Variants in JMJD1C observed in about 807,000 individuals in gnomAD.
JMJD1C encodes the protein jumonji domain containing 1C.
JMJD1C carries 31 observed loss-of-function variants against 245.3 expected under a neutral mutation model. The observed-to-expected ratio is 0.13, with a 90% confidence interval of 0.09 to 0.17. The LOEUF is 0.17. JMJD1C is among the 10% of genes least tolerant of loss of function. The probability of loss-of-function intolerance (pLI) is 1.00; values close to 1 mark genes in which losing one functional copy is unlikely to be tolerated. For synonymous variants in JMJD1C, 1,057 were observed against 1,017.4 expected (o/e 1.04, Z -0.74); for missense variants, 2,691 against 3,000.2 (o/e 0.90, Z 2.41).
In JMJD1C at chr10:63,487,037, A is replaced by G. The variant is rs1487895851; in HGVS notation, n.113+34701T>C. ...AGGTAAGTTCATGGTTGGCATCACA[A>G]AATTGAAGGAGGACAAAGATAATAG... On this transcript the variant is annotated intron_variant and non_coding_transcript_variant, in intron 1 of 3. Transcript: ENST00000633035. 2.6e-5 allele frequency among the ~76,000 whole-genome samples: 4 copies of G among 152,218 alleles called. No homozygotes were observed. In the East Asian group the frequency reaches 7.7e-4, roughly 29 times the overall value.
intron 1 of JMJD1C, among the ~76,000 whole-genome samples, chr10:63,398,257 G>C (rs886602784): frequency 6.6e-6 from 1 of 151,842 alleles, no homozygotes; most frequent in Non-Finnish European, 1.5e-5. Context: ...GCTTCCCCAG[G>C]TCACCCAACC....
chr10:63,479,048 T>TAAA (rs1257042782), intron 1 of JMJD1C, among the ~76,000 whole-genome samples: 2 of 152,212 alleles, frequency 1.3e-5, no homozygotes, highest in Non-Finnish European at 2.9e-5. Flanking sequence ...CTAGCAGGTG[T>TAAA]TTTGTTTTTA....
chr10:63,283,193 A>T (rs960711549), intron 2 of JMJD1C, among the ~76,000 whole-genome samples: 1 of 152,252 alleles, frequency 6.6e-6, no homozygotes, highest in Non-Finnish European at 1.5e-5. Flanking sequence ...CTTCATAAAT[A>T]ATAAAGATTT....
intron 2 of JMJD1C, among the ~76,000 whole-genome samples, chr10:63,271,947 C>T (rs1200994800): frequency 6.6e-6 from 1 of 151,636 alleles, no homozygotes; most frequent in Non-Finnish European, 1.5e-5. Context: ...TGGTGGCGTA[C>T]CTGTAGTCTC....
intron 2 of JMJD1C, among the ~76,000 whole-genome samples, chr10:63,265,322 T>G (rs986219189): frequency 8.0e-6 from 1 of 125,466 alleles, no homozygotes; most frequent in Admixed American, 9.7e-5. Flanking sequence ...GAGAGAAGCA[T>G]GGAGGAAGGG....
At chr10:63,216,658 C>T (rs564146822) in intron 5 of JMJD1C, among the ~76,000 whole-genome samples, 6 of 152,064 alleles carry the variant, frequency 3.9e-5, no homozygotes, top group South Asian at 2.1e-4. Flanking sequence ...TACAGTGAGC[C>T]GAGATCATGC....
chr10:63,310,056 T>A (rs1589443358), intron 2 of JMJD1C, among the ~76,000 whole-genome samples: 1 of 152,194 alleles, frequency 6.6e-6, no homozygotes, highest in Non-Finnish European at 1.5e-5. Context: ...ATTTTACTCA[T>A]AATAGCAATA....
intron 1 of JMJD1C, among the ~76,000 whole-genome samples, chr10:63,393,743 A>C (rs984590253): frequency 2.0e-5 from 3 of 152,204 alleles, no homozygotes; most frequent in African/African-American, 7.2e-5. Flanking sequence ...ATAAATGGAG[A>C]AATGTGGAAT....
At chr10:63,188,971 T>C (rs1332283271) in intron 18 of JMJD1C, among the ~76,000 whole-genome samples, 197 bp downstream of exon 18, 2 of 152,232 alleles carry the variant, frequency 1.3e-5, no homozygotes, top group East Asian at 1.9e-4. Flanking sequence ...TATTAATTCA[T>C]ATTAAATCTG....
At chr10:63,404,744 G>A (rs1033988242) in intron 1 of JMJD1C, among the ~76,000 whole-genome samples, 8 of 152,142 alleles carry the variant, frequency 5.3e-5, no homozygotes, top group Admixed American at 3.3e-4. Context: ...AGCCAAGGGT[G>A]ACAACATAGT....
intron 3 of JMJD1C, among the ~76,000 whole-genome samples, chr10:63,221,521 T>C (rs1460736359): frequency 6.6e-6 from 1 of 152,122 alleles, no homozygotes; most frequent in Non-Finnish European, 1.5e-5. Flanking sequence ...TACAAATAAG[T>C]AGGCAAAATC....
At chr10:63,206,299 C>T (rs765347171) in intron 10 of JMJD1C, among the ~76,000 whole-genome samples, 11 of 152,072 alleles carry the variant, frequency 7.2e-5, no homozygotes, top group Admixed American at 1.3e-4. Flanking sequence ...GCCAAAATTA[C>T]GAGTAACTAC....
intron 2 of JMJD1C, among the ~76,000 whole-genome samples, chr10:63,341,350 A>G (rs1037592743): frequency 6.6e-6 from 1 of 152,250 alleles, no homozygotes; most frequent in Non-Finnish European, 1.5e-5. Context: ...TGAAACATCA[A>G]TGTTGTGGCG....
intron 1 of JMJD1C, among the ~76,000 whole-genome samples, chr10:63,464,654 T>C (rs1953057930): frequency 2.0e-5 from 3 of 151,078 alleles, no homozygotes; most frequent in Non-Finnish European, 4.4e-5. Context: ...TGCACATACC[T>C]ACGCTACTCA....
rs59121081 is a variant in JMJD1C at position 63,211,823 on chromosome 10, CAAAA to C, written c.2694+1646_2694+1649del. On this transcript the variant is annotated intron_variant, in intron 8 of 25. Coordinates refer to ENST00000399262, the MANE Select transcript of JMJD1C (RefSeq NM_032776.3). ...TGGGTGACAGAGCAAGACTCTGTCTCAAAAAAAAAAAAAAAAAAAAAAAACCCCA... is the reference window on the plus strand; with the variant it reads ...TGGGTGACAGAGCAAGACTCTGTCTCAAAAAAAAAAAAAAAAAAAACCCCA... Among the ~76,000 whole-genome samples the C allele has an allele frequency of 4.6e-4, 36 of 77,680 alleles. 1 individual carries two copies. The highest frequency in any genetic ancestry group is 7.7e-4 in the Admixed American group (5 of 6,460). 51.0% of individuals were successfully genotyped at this position (77,680 alleles called of 152,430 possible).
At position 63,206,611 on chromosome 10, in the gene JMJD1C, C is replaced by T. The variant is rs766725798; in HGVS notation, c.5058G>A (p.Leu1686=). The change falls in exon 10 of 26, where the codon TTG becomes TTA. Residue 1686 remains leucine (L), a synonymous_variant. Transcript: ENST00000399262. ...CTGACTTACTATTACTGTTGCTTTG[C>T]AACTTCAGTTTACTTCTTTCTTTGG... ...RSAKERSKLK[L]QSNSNTGIPR... is the part of the protein sequence containing the mutation. 4.4e-6 allele frequency: 7 copies of T among 1,590,244 alleles called. No homozygotes were observed. The highest frequency in any genetic ancestry group is 6.0e-6 in the Non-Finnish European group (7 of 1,172,008).
chr10:63,500,428 G>GAAAA (rs60605672), intron 1 of JMJD1C, among the ~76,000 whole-genome samples: 1 of 112,122 alleles, frequency 8.9e-6, no homozygotes. Context: ...GTCTCCAAAG[G>GAAAA]AAAAAAAAAA....
At chr10:63,178,202 A>G (rs2132824708) in intron 22 of JMJD1C, among the ~76,000 whole-genome samples, 1 of 152,266 alleles carries the variant, frequency 6.6e-6, no homozygotes, top group Non-Finnish European at 1.5e-5. Context: ...GGGCCTCCCA[A>G]AGTGCTAGGA....
Position 63,208,001 on chromosome 10 carries a change from C to G in JMJD1C, c.3668G>C (p.Ser1223Thr). 6.2e-7 allele frequency: 1 copy of G among 1,614,180 alleles called. No individual in the cohort carries two copies. The highest frequency in any genetic ancestry group is 8.5e-7 in the Non-Finnish European group (1 of 1,180,014). ...AGTTGGAGGGGAAAGACTACTATAG[C>G]TGCCTTCCTTTCTTTCCAGGCTGTG... ...IHHSLERKEG[S>T]YSSLSPPTLT... The change falls in exon 10 of 26, where the codon AGC (serine) becomes ACC (threonine). Residue 1223 changes from serine (S) to threonine (T), a missense_variant. Around this residue, in one of 9 missense-constraint regions of JMJD1C, gnomAD observed 1,562 missense variants for 1,490.7 expected, o/e 1.05. Transcript: ENST00000399262.
Sources: gnomAD v4.1 joint callset for allele counts (sites outside exome capture counted in the v4.1 genomes callset) on GRCh38, gnomAD v4.1.1 for gene constraint, gnomAD v4.1.1 regional missense constraint, MANE v1.5 for transcripts, NCBI Gene and HGNC (gene_info 2026-07-23, HGNC 2026-07-21) for gene names.